Variants in ZAN observed in about 807,000 individuals in gnomAD.
ZAN encodes the protein zonadhesin, also known as zonadhesin (gene/pseudogene).
A neutral mutation model predicts 286.2 loss-of-function variants in ZAN; 260 were observed. The observed-to-expected ratio is 0.91, with a 90% CI of 0.82 to 1.01. ZAN has a LOEUF of 1.01. Among genes scored for constraint, ZAN ranks in the 50% least tolerant of loss-of-function variants. ZAN has a pLI of 0.00. For synonymous variants in ZAN, 1,368 were observed against 1,417.5 expected (o/e 0.97, Z 0.79); for missense variants, 3,410 against 3,639.2 (o/e 0.94, Z 1.62).
intron 31 of ZAN, among the ~76,000 whole-genome samples, chr7:100,774,873 C>A (rs1168099092): frequency 6.6e-6 from 1 of 151,786 alleles, no homozygotes; most frequent in Non-Finnish European, 1.5e-5. Context: ...CATGCCCCTC[C>A]TCCACCCGTA....
chr7:100,793,928 G>T lies in ZAN; in HGVS notation c.7896G>T (p.Arg2632Ser), dbSNP rs778439945. 3.1e-6 allele frequency: 5 copies of T among 1,613,956 alleles called. No individual in the cohort carries two copies. In the South Asian group the frequency reaches 4.4e-5, roughly 14 times the overall value. The change falls in exon 43 of 48, where the codon AGG (arginine) becomes AGT (serine). Residue 2632 changes from arginine to serine, a missense_variant. Arg to Ser is a moderately radical substitution (Grantham distance 110). Around this residue, in one of 7 missense-constraint regions of ZAN, gnomAD observed 1,289 missense variants for 1,314.3 expected, o/e 0.98. Transcript: ENST00000613979. ...PRGLRGPLRGRLRQHPRLCLQ... is the reference protein window; with the variant it reads ...PRGLRGPLRGSLRQHPRLCLQ... The stretch of plus-strand genomic sequence containing the variant: ...GACTGCGAGGGCCCCTGCGTGGAAG[G>T]CTGCGCCAGCATCCCAGGCTATGCC...
intron 28 of ZAN, 95 bp downstream of exon 28, chr7:100,770,069 A>G (rs1436710541): frequency 7.9e-7 from 1 of 1,263,292 alleles, no homozygotes; most frequent in Non-Finnish European, 1.1e-6. Flanking sequence ...AAGACCAGAA[A>G]CAGATGGAAA....
chr7:100,796,075 C>CA (rs1257506838), intron 45 of ZAN, among the ~76,000 whole-genome samples: 6 of 151,030 alleles, frequency 4.0e-5, no homozygotes, highest in South Asian at 2.1e-4. Flanking sequence ...GACTCCATCT[C>CA]AAAAAAAACA....
intron 22 of ZAN, among the ~76,000 whole-genome samples, chr7:100,764,742 G>T (rs1350748532): frequency 1.3e-5 from 2 of 151,544 alleles, no homozygotes; most frequent in African/African-American, 4.9e-5. Context: ...GCTGTGTGTG[G>T]CAACGGGCGC....
Position 100,752,023 on chromosome 7 carries a change from C to A in ZAN, c.1918C>A (p.Pro640Thr). The change falls in exon 14 of 48, where the codon CCC becomes ACC. Residue 640 changes from proline (P) to threonine (T), a missense_variant. This residue lies in a region of ZAN where 872 missense variants were observed against 938.9 expected (regional missense o/e 0.93). Transcript: ENST00000613979. ...AAAACCCACCATTCCCTCAGAAAAA[C>A]CCACCATTCCCTCAGAAAAACCCAC... ...TEKPTIPSEK[P>T]TIPSEKPTIS... 6.2e-7 allele frequency: 1 copy of A among 1,612,698 alleles called. No homozygotes were observed. Among genetic ancestry groups the A allele is most frequent in the Non-Finnish European group, 8.5e-7 (1 of 1,179,648 alleles).
At chr7:100,766,447 C>G in intron 23 of ZAN, 78 bp from the exon 24 acceptor site, 1 of 1,485,792 alleles carries the variant, frequency 6.7e-7, no homozygotes, top group Non-Finnish European at 9.0e-7. Context: ...CTCTGGTGAG[C>G]TCTGGTGTCA....
In ZAN at chr7:100,764,049, G is replaced by A. The variant is rs369115733; in HGVS notation, c.4120G>A (p.Ala1374Thr). 4 of 1,613,874 alleles carry A rather than the reference G, an allele frequency of 2.5e-6. No homozygotes were observed. Among genetic ancestry groups the A allele is most frequent in the Non-Finnish European group, 3.4e-6 (4 of 1,179,852 alleles). Reference protein sequence around the residue: ...PFETCLLHVKAASFFDSCMLD... With the variant: ...PFETCLLHVKTASFFDSCMLD... ...CAGGACATGCCTGCTGCACGTGAAGGCCGCTTCCTTCTTCGACAGCTGCAT... is the reference window on the plus strand; with the variant it reads ...CAGGACATGCCTGCTGCACGTGAAGACCGCTTCCTTCTTCGACAGCTGCAT... The change falls in exon 22 of 48, where the codon GCC becomes ACC. Residue 1374 changes from alanine to threonine, a missense_variant. Coordinates refer to ENST00000613979, the MANE Select transcript of ZAN (RefSeq NM_003386.3).
rs554079556 is a variant in ZAN, at chr7:100,764,324, G to A, written c.4267+128G>A. ...TTGGGACCAGCCTGGCCAACACCCC[G>A]TCTCTACTAAACATACCAAAATTAG... is the stretch of plus-strand genomic sequence containing the variant. On this transcript the variant is annotated intron_variant, in intron 22 of 47. Transcript: ENST00000613979. 1.8e-4 allele frequency: 211 copies of A among 1,192,422 alleles called. 1 individual carries two copies. Among genetic ancestry groups the A allele is most frequent in the East Asian group, 7.2e-4 (27 of 37,512 alleles). 73.9% of individuals were successfully genotyped at this position (1,192,422 alleles called of 1,614,324 possible).
chr7:100,758,353 C>A lies in ZAN; in HGVS notation c.3451+10C>A. On this transcript the variant is annotated intron_variant, in intron 16 of 47. Transcript: ENST00000613979. Reference sequence around the variant, plus strand: ...GGATGCCACCCCTACGGTGAGAGCCCCTCCCCATGCTGTCCCTGCCTGCCA... The same window carrying A: ...GGATGCCACCCCTACGGTGAGAGCCACTCCCCATGCTGTCCCTGCCTGCCA... The A allele has an allele frequency of 1.9e-6, 3 of 1,610,094 alleles. No homozygotes were observed. Among genetic ancestry groups the A allele is most frequent in the South Asian group, 1.1e-5 (1 of 90,856 alleles).
Position 100,737,018 on chromosome 7 carries a change from C to T in ZAN, c.463C>T (p.Gln155Ter), listed in dbSNP as rs759207429. The T allele has an allele frequency of 1.3e-6, 2 of 1,500,462 alleles. No individual in the cohort carries two copies. Among genetic ancestry groups the T allele is most frequent in the Non-Finnish European group, 1.8e-6 (2 of 1,096,510 alleles). 92.9% of individuals were successfully genotyped at this position (1,500,462 alleles called of 1,614,324 possible). A position where few individuals can be genotyped will look rare whatever the true frequency, so the allele number is the denominator to read the frequency against. The change falls in exon 5 of 48, where the codon CAG (glutamine) becomes TAG (stop). Residue 155 changes from glutamine (Q) to a stop codon, truncating the protein, a stop_gained. Transcript: ENST00000613979. LOFTEE classifies it high-confidence loss of function. Reference protein sequence around the residue: ...PDVLWKHWNTQRPSWMLTTVT... With the variant: ...PDVLWKHWNT ...TGTGCTCTGGAAACACTGGAACACCCAGAGACCCTCCTGGATGCTCACCAC... is the reference window on the plus strand; with the variant it reads ...TGTGCTCTGGAAACACTGGAACACCTAGAGACCCTCCTGGATGCTCACCAC...
chr7:100,751,882 A>G lies in ZAN; in HGVS notation c.1777A>G (p.Ile593Val), dbSNP rs759876111. The change falls in exon 14 of 48, where the codon ATT becomes GTT. Residue 593 changes from isoleucine (I) to valine (V), a missense_variant. Physicochemically the swap from Ile to Val is conservative, Grantham distance 29. This residue lies in a region of ZAN where 872 missense variants were observed against 938.9 expected (regional missense o/e 0.93). Coordinates refer to ENST00000613979, the MANE Select transcript of ZAN (RefSeq NM_003386.3). ...KPTVPKEKPTIPTEKPTISTE... is the reference protein window; with the variant it reads ...KPTVPKEKPTVPTEKPTISTE... ...CACAGTCCCCAAAGAAAAGCCCACC[A>G]TTCCCACAGAAAAACCCACCATCTC... 6.2e-7 allele frequency: 1 copy of G among 1,613,348 alleles called. No homozygotes were observed. Among genetic ancestry groups the G allele is most frequent in the Non-Finnish European group, 8.5e-7 (1 of 1,179,806 alleles).
At chr7:100,740,454 G>T (rs1242704120) in intron 7 of ZAN, among the ~76,000 whole-genome samples, 1 of 72,054 alleles carries the variant, frequency 1.4e-5, no homozygotes, top group Non-Finnish European at 2.8e-5. Context: ...GCGGCCTTCC[G>T]CAGTGTTTGT....
chr7:100,793,827 G>C lies in ZAN; in HGVS notation c.7795G>C (p.Val2599Leu), dbSNP rs754853803. 18 of 1,593,296 alleles carry C rather than the reference G, an allele frequency of 1.1e-5. No individual in the cohort carries two copies. The highest frequency in any genetic ancestry group is 1.7e-5 in the Admixed American group (1 of 58,722). The change falls in exon 43 of 48, where the codon GTG (valine) becomes CTG (leucine). Residue 2599 changes from valine to leucine, a missense_variant. By Grantham distance (32) the Val-to-Leu change is conservative. Transcript: ENST00000613979. The stretch of plus-strand genomic sequence containing the variant: ...CCATGACTGTCCCCGCAGCCATGGA[G>C]TGTCCAGCAGGTACCATATATCAGA... The part of the protein sequence containing the change: ...LRCQVLSGHG[V>L]SSRYHISELY...
intron 2 of ZAN, among the ~76,000 whole-genome samples, chr7:100,735,371 C>A (rs979626933): frequency 1.5e-5 from 2 of 134,830 alleles, no homozygotes; most frequent in Admixed American, 7.4e-5. Context: ...TCATGACCAG[C>A]CTGTGCAACA....
In ZAN at chr7:100,763,803, CA is replaced by C. The variant is rs775413174; in HGVS notation, c.3987-2del. ...TAGGGAGTTTGGGGTGGGTCTCTTG[CA>C]GGTGTCAGAAGTACCAGGTGGTGAA... is the stretch of plus-strand genomic sequence containing the variant. On this transcript the variant is annotated splice_acceptor_variant, in intron 20 of 47. Coordinates refer to ENST00000613979, the MANE Select transcript of ZAN (RefSeq NM_003386.3). LOFTEE classifies it high-confidence loss of function. This position sits in a 1 kb window ranked among gnomAD's most constrained non-coding sequence, Gnocchi z 4.6. The C allele has an allele frequency of 1.7e-5, 28 of 1,613,728 alleles. No individual in the cohort carries two copies. Among genetic ancestry groups the C allele is most frequent in the Non-Finnish European group, 8.5e-7 (1 of 1,179,660 alleles).
At chr7:100,760,623 C>T (rs1809501669) in intron 19 of ZAN, 87 bp downstream of exon 19, 2 of 1,532,546 alleles carry the variant, frequency 1.3e-6, no homozygotes, top group Admixed American at 2.0e-5. Context: ...ACCCTGCCCA[C>T]TCCCCTTCCA....
intron 15 of ZAN, 41 bp downstream of exon 15, chr7:100,755,451 A>C (rs1562928940): frequency 1.9e-6 from 3 of 1,594,734 alleles, no homozygotes; most frequent in Non-Finnish European, 2.6e-6. Flanking sequence ...AGGGAGATTG[A>C]TGGCAGAACA....
In ZAN at chr7:100,791,059, C is replaced by A; in HGVS notation, c.7475C>A (p.Thr2492Asn). 6.2e-7 allele frequency: 1 copy of A among 1,613,244 alleles called. No homozygotes were observed. The highest frequency in any genetic ancestry group is 8.5e-7 in the Non-Finnish European group (1 of 1,179,730). Reference protein sequence around the residue: ...PSGALTQNLNTFGNSWEVKTE... With the variant: ...PSGALTQNLNNFGNSWEVKTE... The stretch of plus-strand genomic sequence containing the variant: ...GGCGCCCTGACCCAGAACCTCAACA[C>A]CTTTGGCAACAGCTGGGAGGTGAAG... Residue 2492 changes from threonine to asparagine, a missense_variant, in exon 40 of 48, where the codon ACC becomes AAC. Thr to Asn is a moderately conservative substitution (Grantham distance 65). Around this residue, in one of 7 missense-constraint regions of ZAN, gnomAD observed 1,289 missense variants for 1,314.3 expected, o/e 0.98. Transcript: ENST00000613979.
At chr7:100,758,051 A>G (rs1809271908) in intron 15 of ZAN, 151 bp from the exon 16 acceptor site, 3 of 746,894 alleles carry the variant, frequency 4.0e-6, no homozygotes, top group Non-Finnish European at 3.4e-6. Context: ...GCGCCACTGC[A>G]CTCCAGCTTG....
Sources: allele counts gnomAD v4.1 joint callset (sites outside exome capture counted in the v4.1 genomes callset), GRCh38; gene constraint gnomAD v4.1.1; regional missense constraint gnomAD v4.1.1; non-coding constraint Gnocchi (gnomAD v3.1); transcripts MANE v1.5; gene names NCBI Gene and HGNC (gene_info 2026-07-23, HGNC 2026-07-21).